The following PARP12 variants were observed in gnomAD, a reference collection of about 807,000 sequenced individuals.
The protein encoded by PARP12 is poly(ADP-ribose) polymerase family member 12.
A neutral mutation model predicts 72.4 loss-of-function variants in PARP12; 59 were observed. The observed-to-expected ratio is 0.81, with a 90% CI of 0.66 to 1.01. The LOEUF is 1.01. Among genes scored for constraint, PARP12 ranks in the 50% least tolerant of loss-of-function variants. The pLI, the probability that PARP12 is intolerant of heterozygous loss-of-function variation, is 0.00. For missense variants in PARP12, 851 were observed against 914.0 expected (o/e 0.93, Z 0.89); for synonymous variants, 403 against 371.4 (o/e 1.09, Z -0.98).
At chr7:140,053,361 T>C (rs1817040254) in intron 4 of PARP12, among the ~76,000 whole-genome samples, 2 of 152,200 alleles carry the variant, frequency 1.3e-5, no homozygotes, top group African/African-American at 4.8e-5. Context: ...TGATTCCATG[T>C]ATGTGAAATT....
intron 5 of PARP12, among the ~76,000 whole-genome samples, chr7:140,044,642 A>T (rs1459527771): frequency 6.6e-6 from 1 of 152,222 alleles, no homozygotes; most frequent in Admixed American, 6.5e-5. Flanking sequence ...AGCAGCCCTA[A>T]GAAGTGAACT....
Position 140,062,569 on chromosome 7 carries a change from G to A in PARP12, c.279C>T (p.His93=), listed in dbSNP as rs1487339447. The A allele has an allele frequency of 1.3e-6, 2 of 1,552,016 alleles. No individual in the cohort carries two copies. The highest frequency in any genetic ancestry group is 1.7e-6 in the Non-Finnish European group (2 of 1,153,718). Residue 93 remains histidine, a synonymous_variant, in exon 1 of 12, where the codon CAC becomes CAT. Transcript: ENST00000263549. ...PGCVGLCAQL[H]LCRFMVYGAC... ...CGCCGTAGACCATGAACCTGCAGAG[G>A]TGGAGCTGCGCGCAGAGCCCCACGC...
rs1816028886 is a variant in PARP12 at position 140,033,547 on chromosome 7, G to C, written c.1421+688C>G. On this transcript the variant is annotated intron_variant, in intron 8 of 11. Coordinates refer to ENST00000263549, the MANE Select transcript of PARP12 (RefSeq NM_022750.4). Reference sequence around the variant, plus strand: ...CCACCTTCCCCCAATATGTGGCTGTGTGGTTTGGAGAACACTGACCCCTTC... The same window carrying C: ...CCACCTTCCCCCAATATGTGGCTGTCTGGTTTGGAGAACACTGACCCCTTC... 3.0e-6 allele frequency: 3 copies of C among 985,276 alleles called. No homozygotes were observed. In the South Asian group the frequency reaches 1.4e-4, roughly 46 times the overall value. 61.0% of individuals were successfully genotyped at this position (985,276 alleles called of 1,614,324 possible). A position where few individuals can be genotyped will look rare whatever the true frequency, so the allele number is the denominator to read the frequency against.
At chr7:140,035,797 A>C (rs1816124735) in intron 7 of PARP12, among the ~76,000 whole-genome samples, 1 of 146,140 alleles carries the variant, frequency 6.8e-6, no homozygotes, top group South Asian at 2.1e-4. Flanking sequence ...AAGCCAATTC[A>C]TCTCAAGCTT....
intron 7 of PARP12, among the ~76,000 whole-genome samples, chr7:140,036,211 G>A (rs918275385): frequency 6.6e-6 from 1 of 152,188 alleles, no homozygotes; most frequent in Admixed American, 6.5e-5. Flanking sequence ...CCTAGGTTGG[G>A]AATGATCAAG....
chr7:140,041,178 A>C (rs934946447), intron 6 of PARP12, among the ~76,000 whole-genome samples: 2 of 152,212 alleles, frequency 1.3e-5, no homozygotes, highest in African/African-American at 4.8e-5. Context: ...TTGGATTCCA[A>C]ACCTATACAT....
Position 140,046,833 on chromosome 7 carries a change from T to TGTGTGTGTGTGTGTGTGTGTCA in PARP12, c.986+50_986+51insTGACACACACACACACACACAC, listed in dbSNP as rs1554514730. 129 of 1,188,248 alleles carry TGTGTGTGTGTGTGTGTGTGTCA rather than the reference T, an allele frequency of 1.1e-4. 3 individuals are homozygous for TGTGTGTGTGTGTGTGTGTGTCA. Among genetic ancestry groups the TGTGTGTGTGTGTGTGTGTGTCA allele is most frequent in the Admixed American group, 5.3e-4 (20 of 37,702 alleles). 73.6% of individuals were successfully genotyped at this position (1,188,248 alleles called of 1,614,324 possible). A position where few individuals can be genotyped will look rare whatever the true frequency, so the allele number is the denominator to read the frequency against. The stretch of plus-strand genomic sequence containing the variant: ...GTGTGTGTGTGTGTGTGTGTGTGTG[T>TGTGTGTGTGTGTGTGTGTGTCA]CACACACAGAAGCCCAGGCACAAAG... On this transcript the variant is annotated intron_variant, in intron 5 of 11. Transcript: ENST00000263549.
chr7:140,040,150 C>T (rs1315521950), intron 6 of PARP12, among the ~76,000 whole-genome samples: 5 of 152,180 alleles, frequency 3.3e-5, no homozygotes, highest in African/African-American at 1.2e-4. Flanking sequence ...TGTGTTGCGC[C>T]TGCCATCTGT....
chr7:140,043,725 T>C (rs1399007092), intron 5 of PARP12, among the ~76,000 whole-genome samples: 1 of 152,098 alleles, frequency 6.6e-6, no homozygotes, highest in African/African-American at 2.4e-5. Context: ...GCAGACAGAG[T>C]TTCACCATGT....
chr7:140,059,202 T>C (rs1293597450), intron 1 of PARP12, among the ~76,000 whole-genome samples: 1 of 152,134 alleles, frequency 6.6e-6, no homozygotes, highest in East Asian at 1.9e-4. Flanking sequence ...TTGCAAGGTC[T>C]AAGGCCCAGG....
chr7:140,046,736 G>T (rs997420740), intron 5 of PARP12, 148 bp downstream of exon 5: 1 of 796,816 alleles, frequency 1.3e-6, no homozygotes, highest in Non-Finnish European at 2.0e-6. Flanking sequence ...GTGTGTGTGT[G>T]TGTGTGTGTG....
At chr7:140,054,617 G>T in intron 4 of PARP12, 45 bp downstream of exon 4, 1 of 1,453,042 alleles carries the variant, frequency 6.9e-7, no homozygotes, top group Non-Finnish European at 9.7e-7. Context: ...ATGACAAGCA[G>T]TTACCCCTCC....
At chr7:140,038,065 A>C in intron 6 of PARP12, 6 of 985,350 alleles carry the variant, frequency 6.1e-6, no homozygotes, top group Non-Finnish European at 7.2e-6. Context: ...AGCAAACACA[A>C]TGCAGTAAAT....
rs1276151496 is a variant in PARP12, at chr7:140,037,984, C to CA, written c.1183-129dup. On this transcript the variant is annotated intron_variant, in intron 6 of 11. Coordinates refer to ENST00000263549, the MANE Select transcript of PARP12 (RefSeq NM_022750.4). Reference sequence around the variant, plus strand: ...GTCCTGTGGTGGGGAAGATGGAGGCCAGGGAGCATGGTATGGCAGGAGAGA... The same window carrying CA: ...GTCCTGTGGTGGGGAAGATGGAGGCCAAGGGAGCATGGTATGGCAGGAGAGA... 4.8e-6 allele frequency: 7 copies of CA among 1,459,720 alleles called. No individual in the cohort carries two copies. The East Asian group carries it at 1.7e-4, about 35-fold the overall frequency. 90.4% of individuals were successfully genotyped at this position (1,459,720 alleles called of 1,614,324 possible).
chr7:140,048,147 G>A (rs1816813495), intron 4 of PARP12, among the ~76,000 whole-genome samples: 1 of 152,050 alleles, frequency 6.6e-6, no homozygotes, highest in African/African-American at 2.4e-5. Flanking sequence ...CTGAAGGCAG[G>A]TCAGCAGCAT....
intron 9 of PARP12, among the ~76,000 whole-genome samples, chr7:140,028,181 G>A (rs1815810509): frequency 6.6e-6 from 1 of 152,142 alleles, no homozygotes. Flanking sequence ...CTGCCAAATT[G>A]ACTGTCCATT....
chr7:140,034,389 T>C, intron 7 of PARP12, 58 bp from the exon 8 acceptor site: 1 of 1,382,004 alleles, frequency 7.2e-7, no homozygotes, highest in Non-Finnish European at 1.0e-6. Context: ...ACACACAGGA[T>C]GGCAATGTTT....
intron 8 of PARP12, chr7:140,033,731 G>A: frequency 1.0e-6 from 1 of 989,794 alleles, no homozygotes; most frequent in Middle Eastern, 5.2e-4. Context: ...CTAACCTGGT[G>A]GCTCCTGGCA....
intron 2 of PARP12, 154 bp from the exon 3 acceptor site, chr7:140,057,307 C>A: frequency 4.1e-6 from 3 of 739,678 alleles, no homozygotes; most frequent in African/African-American, 1.7e-5. Flanking sequence ...CTCTAGATGA[C>A]GGCTGCTAAC....
Sources: gnomAD v4.1 joint callset for allele counts (sites outside exome capture counted in the v4.1 genomes callset) on GRCh38, gnomAD v4.1.1 for gene constraint, MANE v1.5 for transcripts, NCBI Gene and HGNC (gene_info 2026-07-23, HGNC 2026-07-21) for gene names.